PTPRG: variants seen among roughly 807,000 people sequenced by gnomAD.
PTPRG encodes the protein protein tyrosine phosphatase receptor type G, also known as receptor-type tyrosine-protein phosphatase gamma.
In PTPRG, 102 loss-of-function variants were observed where a neutral mutation model predicts 165.3. That is an observed-to-expected ratio of 0.62 (90% CI 0.53 to 0.73). The LOEUF (loss-of-function observed/expected upper bound fraction) is 0.73, where lower values mean the gene tolerates loss of function less well. Among genes scored for constraint, PTPRG ranks in the 30% least tolerant of loss-of-function variants. The probability of loss-of-function intolerance (pLI) is 0.00; values close to 1 mark genes in which losing one functional copy is unlikely to be tolerated. For missense variants in PTPRG, 1,866 were observed against 1,861.4 expected (o/e 1.00, Z -0.05); for synonymous variants, 675 against 669.5 (o/e 1.01, Z -0.13).
At chr3:61,729,262 G>A (rs1245186476) in intron 1 of PTPRG, among the ~76,000 whole-genome samples, 1 of 152,146 alleles carries the variant, frequency 6.6e-6, no homozygotes, top group Admixed American at 6.5e-5. Flanking sequence ...CTGTGCATCC[G>A]GGCCAGTTGT....
chr3:61,622,365 A>G (rs983377709), intron 1 of PTPRG, among the ~76,000 whole-genome samples: 4 of 152,124 alleles, frequency 2.6e-5, no homozygotes, highest in Middle Eastern at 3.2e-3. Context: ...AGAGTTTGCT[A>G]TTTGTAATTA....
chr3:62,166,391 C>T (rs189002361), intron 7 of PTPRG, among the ~76,000 whole-genome samples: 268 of 151,722 alleles, frequency 1.8e-3, no homozygotes, highest in Non-Finnish European at 3.1e-3. Context: ...GGCTGGAGTG[C>T]AGTGGCACAA....
chr3:61,928,768 T>C (rs979395953), intron 2 of PTPRG, among the ~76,000 whole-genome samples: 3 of 152,204 alleles, frequency 2.0e-5, no homozygotes, highest in African/African-American at 7.2e-5. Context: ...TCTTATCTCT[T>C]TTCAGGGTTG....
chr3:62,198,861 T>G (rs1208731419), intron 10 of PTPRG, among the ~76,000 whole-genome samples: 1 of 152,200 alleles, frequency 6.6e-6, no homozygotes, highest in African/African-American at 2.4e-5. Flanking sequence ...GTTGCCTACA[T>G]GCATAGTGGA....
intron 2 of PTPRG, among the ~76,000 whole-genome samples, chr3:61,927,301 C>A (rs1383309326): frequency 6.6e-6 from 1 of 152,160 alleles, no homozygotes; most frequent in Non-Finnish European, 1.5e-5. Context: ...CATGGTATAT[C>A]TTCAGGTCTT....
rs971156834 is a variant in PTPRG, at chr3:62,217,272, C to G, written c.2156-1579C>G. Among the ~76,000 whole-genome samples, 1 of 152,188 alleles carries G rather than the reference C, an allele frequency of 6.6e-6. No individual in the cohort carries two copies. Among genetic ancestry groups the G allele is most frequent in the Admixed American group, 6.5e-5 (1 of 15,278 alleles). On this transcript the variant is annotated intron_variant, in intron 12 of 29. Coordinates refer to ENST00000474889, the MANE Select transcript of PTPRG (RefSeq NM_002841.4). This position sits in a 1 kb window ranked among gnomAD's most constrained non-coding sequence, Gnocchi z 4.3. The stretch of plus-strand genomic sequence containing the variant: ...AGGTTTTTAATCAGAGTGTGCTGCA[C>G]CTACTTGACTCTGTCTTCTTACCTG...
intron 2 of PTPRG, among the ~76,000 whole-genome samples, chr3:61,921,976 G>T (rs928766859): frequency 6.6e-6 from 1 of 152,136 alleles, no homozygotes; most frequent in African/African-American, 2.4e-5. Flanking sequence ...ATCCAGATCT[G>T]TCTTTAATGT....
At chr3:61,852,511 G>A (rs574191012) in intron 2 of PTPRG, among the ~76,000 whole-genome samples, 26 of 152,244 alleles carry the variant, frequency 1.7e-4, no homozygotes, top group African/African-American at 6.3e-4. Context: ...TAAAAACCAT[G>A]GACATATACT....
At chr3:61,999,558 C>G (rs2041122065) in intron 3 of PTPRG, among the ~76,000 whole-genome samples, 1 of 152,088 alleles carries the variant, frequency 6.6e-6, no homozygotes, top group South Asian at 2.1e-4. Flanking sequence ...CAGTTTGTGC[C>G]TTATCCAGAT....
chr3:62,115,493 G>T (rs769931630), intron 5 of PTPRG, among the ~76,000 whole-genome samples: 51 of 152,104 alleles, frequency 3.4e-4, no homozygotes, highest in Admixed American at 5.2e-4. Flanking sequence ...ACTCATGTTT[G>T]CTCTTTACTG....
intron 8 of PTPRG, among the ~76,000 whole-genome samples, chr3:62,171,187 T>C (rs1331035691): frequency 6.6e-6 from 1 of 152,214 alleles, no homozygotes; most frequent in Non-Finnish European, 1.5e-5. Flanking sequence ...ATATGTAGAT[T>C]ATTTTCAAGT....
intron 1 of PTPRG, among the ~76,000 whole-genome samples, chr3:61,686,300 G>A (rs1469573775): frequency 6.6e-6 from 1 of 152,162 alleles, no homozygotes; most frequent in Non-Finnish European, 1.5e-5. Flanking sequence ...CTGGAGCTAG[G>A]GAATGAATGC....
chr3:62,034,065 C>T (rs1699863220), intron 4 of PTPRG, among the ~76,000 whole-genome samples: 1 of 152,190 alleles, frequency 6.6e-6, no homozygotes, highest in Non-Finnish European at 1.5e-5. Flanking sequence ...TGAGCCCGGC[C>T]AGCTGATGAT....
rs564548029 is a variant in PTPRG, at chr3:61,993,145, C to A, written c.370+3341C>A. ...CACATTGAATAATATTGATAGGTAA[C>A]CTATTTCTTTTTTTTTTTTAAGAAA... On this transcript the variant is annotated intron_variant, in intron 3 of 29. Coordinates refer to ENST00000474889, the MANE Select transcript of PTPRG (RefSeq NM_002841.4). Among the ~76,000 whole-genome samples the A allele has an allele frequency of 1.2e-3, 185 of 151,220 alleles. 1 individual carries two copies. Among genetic ancestry groups the A allele is most frequent in the African/African-American group, 4.2e-3 (174 of 41,068 alleles).
At chr3:61,985,677 T>C (rs991933794) in intron 2 of PTPRG, among the ~76,000 whole-genome samples, 3 of 152,196 alleles carry the variant, frequency 2.0e-5, no homozygotes, top group African/African-American at 4.8e-5. Context: ...GTATTTAAAT[T>C]GATAACAGTG....
At chr3:61,622,716 C>A (rs1701498639) in intron 1 of PTPRG, among the ~76,000 whole-genome samples, 1 of 152,064 alleles carries the variant, frequency 6.6e-6, no homozygotes, top group Non-Finnish European at 1.5e-5. Context: ...GGTTTTGTGC[C>A]TTCAGTAATA....
chr3:62,191,273 CGTGT>C (rs1699810676), intron 8 of PTPRG, among the ~76,000 whole-genome samples, 192 bp from the exon 9 acceptor site: 1 of 150,024 alleles, frequency 6.7e-6, no homozygotes, highest in South Asian at 2.1e-4. Flanking sequence ...GTCCCGTGCA[CGTGT>C]GTGTGAGAGA....
intron 1 of PTPRG, among the ~76,000 whole-genome samples, chr3:61,720,609 AC>A (rs1253062123): frequency 6.6e-6 from 1 of 152,168 alleles, no homozygotes; most frequent in African/African-American, 2.4e-5. Flanking sequence ...AAGGGCTACT[AC>A]CGTCCTGACT....
intron 2 of PTPRG, among the ~76,000 whole-genome samples, chr3:61,892,831 G>A (rs1281967615): frequency 2.7e-5 from 4 of 150,162 alleles, no homozygotes; most frequent in Non-Finnish European, 5.9e-5. Context: ...AAAAAAAAAA[G>A]TACCTGGGTC....
Sources: gnomAD v4.1 joint callset for allele counts (sites outside exome capture counted in the v4.1 genomes callset) on GRCh38, gnomAD v4.1.1 for gene constraint, Gnocchi (gnomAD v3.1) non-coding constraint, MANE v1.5 for transcripts, NCBI Gene and HGNC (gene_info 2026-07-23, HGNC 2026-07-21) for gene names.